The following CTNNA2 variants were observed in gnomAD, a reference collection of about 807,000 sequenced individuals.
CTNNA2 encodes the protein catenin alpha 2.
Under a neutral mutation model 101.0 loss-of-function variants are expected in CTNNA2, and 42 were observed. That is an observed-to-expected ratio of 0.42 (90% CI 0.32 to 0.54). The LOEUF is 0.54. Ranked by LOEUF, CTNNA2 falls within the 20% of genes least tolerant of loss-of-function variation. The pLI, the probability that CTNNA2 is intolerant of heterozygous loss-of-function variation, is 0.14. For missense variants in CTNNA2, 871 were observed against 1,223.1 expected (o/e 0.71, Z 4.29); for synonymous variants, 450 against 456.4 (o/e 0.99, Z 0.18).
At chr2:80,221,832 C>T (rs1708594502) in intron 7 of CTNNA2, among the ~76,000 whole-genome samples, 1 of 152,234 alleles carries the variant, frequency 6.6e-6, no homozygotes, top group South Asian at 2.1e-4. Flanking sequence ...GTGTGCAAGA[C>T]AGATCCTTTT....
intron 7 of CTNNA2, among the ~76,000 whole-genome samples, chr2:80,296,144 A>AC (rs1675721262): frequency 1.3e-5 from 2 of 152,188 alleles, no homozygotes; most frequent in Admixed American, 6.5e-5. Flanking sequence ...AATGTGTAAC[A>AC]ATTGCATCAT....
At chr2:80,293,794 A>G (rs1041115062) in intron 7 of CTNNA2, among the ~76,000 whole-genome samples, 14 of 152,258 alleles carry the variant, frequency 9.2e-5, no homozygotes, top group African/African-American at 3.4e-4. Flanking sequence ...ACTGAGTGGA[A>G]AGGGAATATT....
In CTNNA2 at chr2:79,542,112, C is replaced by A. The variant is rs10186493; in HGVS notation, c.-6+28905C>A. Among the ~76,000 whole-genome samples the A allele has an allele frequency of 1.4e-3, 208 of 151,746 alleles. 2 individuals carry two copies. Among genetic ancestry groups the A allele is most frequent in the African/African-American group, 4.6e-3 (190 of 41,416 alleles). On this transcript the variant is annotated intron_variant, in intron 1 of 18. Transcript: ENST00000402739. ...ACTGAAATGTGCCGAACCTTTTAGC[C>A]CGAAAGTAGTATATATTGTGTGAAT...
chr2:80,591,441 T>A (rs1696480099), intron 15 of CTNNA2, among the ~76,000 whole-genome samples: 1 of 145,460 alleles, frequency 6.9e-6, no homozygotes, highest in Non-Finnish European at 1.5e-5. Context: ...CATTGCTGCC[T>A]CCATCTGCAC....
intron 1 of CTNNA2, among the ~76,000 whole-genome samples, chr2:79,521,731 G>C (rs192433785): frequency 6.6e-6 from 1 of 152,300 alleles, no homozygotes; most frequent in Admixed American, 6.5e-5. Context: ...GTTTTGGCAA[G>C]AGGTTGAAGC....
chr2:80,072,719 G>A (rs559569787), intron 7 of CTNNA2, among the ~76,000 whole-genome samples: 1 of 152,166 alleles, frequency 6.6e-6, no homozygotes, highest in Non-Finnish European at 1.5e-5. Context: ...GAATTATTGT[G>A]GGCAATGCAA....
intron 2 of CTNNA2, among the ~76,000 whole-genome samples, chr2:79,734,522 C>A (rs1214450300): frequency 6.6e-6 from 1 of 151,916 alleles, no homozygotes; most frequent in Non-Finnish European, 1.5e-5. Flanking sequence ...AAAATGTATA[C>A]CTTAGAATTA....
chr2:79,278,000 G>A (rs1051861896), intron 2 of CTNNA2, among the ~76,000 whole-genome samples: 1 of 152,114 alleles, frequency 6.6e-6, no homozygotes, highest in Non-Finnish European at 1.5e-5. Flanking sequence ...CCGTATGTAA[G>A]GTTTTGTTTG....
intron 3 of CTNNA2, among the ~76,000 whole-genome samples, chr2:79,829,801 G>A (rs1176779982): frequency 6.6e-6 from 1 of 151,470 alleles, no homozygotes; most frequent in Non-Finnish European, 1.5e-5. Flanking sequence ...CTCACTGCAA[G>A]CTCCGCCTCC....
intron 7 of CTNNA2, among the ~76,000 whole-genome samples, chr2:80,106,968 C>A (rs1038802375): frequency 6.6e-6 from 1 of 152,158 alleles, no homozygotes; most frequent in African/African-American, 2.4e-5. Context: ...CTGTGCTGAG[C>A]ATGACATTGA....
intron 7 of CTNNA2, among the ~76,000 whole-genome samples, chr2:80,027,740 G>A (rs1695024242): frequency 6.6e-6 from 1 of 151,940 alleles, no homozygotes; most frequent in South Asian, 2.1e-4. Flanking sequence ...GCCAAGGTTG[G>A]GAGCATTGCA....
At chr2:80,339,619 G>A (rs993653308) in intron 7 of CTNNA2, among the ~76,000 whole-genome samples, 9 of 152,196 alleles carry the variant, frequency 5.9e-5, no homozygotes, top group African/African-American at 2.2e-4. Context: ...TCTTCAACTA[G>A]TCATCCCCTA....
intron 7 of CTNNA2, among the ~76,000 whole-genome samples, chr2:80,349,142 C>G (rs902629310): frequency 1.3e-5 from 2 of 152,022 alleles, no homozygotes; most frequent in African/African-American, 4.8e-5. Context: ...ATCTGTGGTC[C>G]CTGACTGTTC....
At chr2:79,499,788 T>A (rs879686066) in intron 4 of CTNNA2, among the ~76,000 whole-genome samples, 2 of 152,232 alleles carry the variant, frequency 1.3e-5, no homozygotes, top group Non-Finnish European at 2.9e-5. Flanking sequence ...AGGCACCACT[T>A]ACTGTATTAT....
At position 79,931,398 on chromosome 2, in the gene CTNNA2, C is replaced by T. The variant is rs141073372; in HGVS notation, c.1056+21601C>T. 5.0e-3 allele frequency among the ~76,000 whole-genome samples: 758 copies of T among 152,250 alleles called. 5 individuals carry two copies. The highest frequency in any genetic ancestry group is 0.017 in the African/African-American group (718 of 41,542). On this transcript the variant is annotated intron_variant, in intron 7 of 18. Transcript: ENST00000402739. ...ACCCCATTATCCCAGCCCTTATTAA[C>T]CACCATTCTATTCTATGCTTCTGTG...
At chr2:80,336,152 G>A (rs531680482) in intron 7 of CTNNA2, among the ~76,000 whole-genome samples, 2 of 152,170 alleles carry the variant, frequency 1.3e-5, no homozygotes, top group Non-Finnish European at 2.9e-5. Context: ...GATTCTGAAG[G>A]CTGGGAAGTC....
chr2:80,641,104 C>CA (rs1276070045), intron 18 of CTNNA2, among the ~76,000 whole-genome samples: 2 of 152,250 alleles, frequency 1.3e-5, no homozygotes, highest in South Asian at 2.1e-4. Context: ...CTCTGACTTA[C>CA]AAAAATGAAA....
At chr2:80,606,940 A>G (rs757404957) in intron 16 of CTNNA2, among the ~76,000 whole-genome samples, 2 of 151,882 alleles carry the variant, frequency 1.3e-5, no homozygotes, top group Non-Finnish European at 2.9e-5. Flanking sequence ...GGAGTAGGAT[A>G]AATATTACAG....
intron 3 of CTNNA2, among the ~76,000 whole-genome samples, chr2:79,337,234 G>A (rs527675505): frequency 6.6e-6 from 1 of 152,156 alleles, no homozygotes; most frequent in Non-Finnish European, 1.5e-5. Flanking sequence ...ACTGACCCAA[G>A]ATAGGAAAGA....
Sources: allele counts gnomAD v4.1 joint callset (sites outside exome capture counted in the v4.1 genomes callset), GRCh38; gene constraint gnomAD v4.1.1; transcripts MANE v1.5; gene names NCBI Gene and HGNC (gene_info 2026-07-23, HGNC 2026-07-21).